Variants in HTR1F observed in about 807,000 individuals in gnomAD.
HTR1F encodes 5-hydroxytryptamine (serotonin) receptor 1F, G protein-coupled.
HTR1F carries 17 observed loss-of-function variants against 24.0 expected under a neutral mutation model. The observed-to-expected ratio is 0.71, with a 90% confidence interval of 0.48 to 1.06. The LOEUF (loss-of-function observed/expected upper bound fraction) is 1.06. HTR1F is among the 50% of genes least tolerant of loss of function. HTR1F has a pLI of 0.00. For missense variants in HTR1F, 391 were observed against 427.8 expected (o/e 0.91, Z 0.76); for synonymous variants, 186 against 156.8 (o/e 1.19, Z -1.39).
At chr3:87,874,187 T>C (rs1352387755) in intron 2 of HTR1F, among the ~76,000 whole-genome samples, 1 of 151,924 alleles carries the variant, frequency 6.6e-6, no homozygotes, top group Non-Finnish European at 1.5e-5. Context: ...AATAAATGTA[T>C]CTCTGTTCAC....
intron 1 of HTR1F, among the ~76,000 whole-genome samples, chr3:87,800,211 C>A (rs184483891): frequency 6.6e-6 from 1 of 152,226 alleles, no homozygotes; most frequent in Admixed American, 6.5e-5. Flanking sequence ...TCATGTCATT[C>A]TGGGAACAAG....
intron 2 of HTR1F, among the ~76,000 whole-genome samples, chr3:87,966,310 G>T (rs1263938432): frequency 6.6e-6 from 1 of 152,134 alleles, no homozygotes; most frequent in Non-Finnish European, 1.5e-5. Flanking sequence ...TGGGAGTAAG[G>T]ATTTTAATGT....
intron 2 of HTR1F, among the ~76,000 whole-genome samples, chr3:87,850,019 A>ACTAGTT (rs1705044942): frequency 6.6e-6 from 1 of 151,972 alleles, no homozygotes; most frequent in South Asian, 2.1e-4. Flanking sequence ...GGGACTGTAA[A>ACTAGTT]CTAGTTCAAC....
rs529004879 is a variant in HTR1F, at chr3:87,816,131, T to G, written c.-159-5877T>G. ...ATGCAAGAAGAGGGGCTTAATTGAG[T>G]GGCTAAATATCACTCTCTTCGGAGT... On this transcript the variant is annotated intron_variant, in intron 1 of 2. Coordinates refer to ENST00000319595, the MANE Select transcript of HTR1F (RefSeq NM_001322209.2). 3.3e-5 allele frequency among the ~76,000 whole-genome samples: 5 copies of G among 152,152 alleles called. No homozygotes were observed. In the South Asian group the frequency reaches 1.0e-3, roughly 32 times the overall value.
chr3:87,869,424 GATAGATAGATAC>G (rs1439228843), intron 2 of HTR1F, among the ~76,000 whole-genome samples: 26 of 135,770 alleles, frequency 1.9e-4, no homozygotes, highest in Middle Eastern at 7.8e-3. Context: ...TAGATAGATA[GATAGATAGATAC>G]ATAGATAGAT....
At chr3:87,807,628 T>C (rs1158568184) in intron 1 of HTR1F, among the ~76,000 whole-genome samples, 1 of 152,122 alleles carries the variant, frequency 6.6e-6, no homozygotes, top group East Asian at 1.9e-4. Flanking sequence ...TCTTGCCTGA[T>C]TGCTCTGGCT....
chr3:87,919,730 G>A (rs78597834), intron 2 of HTR1F, among the ~76,000 whole-genome samples: 13,442 of 151,914 alleles, frequency 0.088, 629 homozygotes, highest in African/African-American at 0.12. Flanking sequence ...AGATGTTGGC[G>A]TGGATGCAGT....
At chr3:87,794,775 G>C (rs1402117125) in intron 1 of HTR1F, among the ~76,000 whole-genome samples, 1 of 151,918 alleles carries the variant, frequency 6.6e-6, no homozygotes, top group Non-Finnish European at 1.5e-5. Context: ...TAAATGGGTG[G>C]GATTGAGCAA....
At chr3:87,874,567 C>T (rs1384486121) in intron 2 of HTR1F, among the ~76,000 whole-genome samples, 2 of 151,724 alleles carry the variant, frequency 1.3e-5, no homozygotes, top group Non-Finnish European at 2.9e-5. Flanking sequence ...GCCTATATTA[C>T]CCAAACCAGT....
At chr3:87,819,551 T>A (rs1323790156) in intron 1 of HTR1F, among the ~76,000 whole-genome samples, 1 of 152,044 alleles carries the variant, frequency 6.6e-6, no homozygotes, top group African/African-American at 2.4e-5. Flanking sequence ...GCTTTGGATA[T>A]CATCATTATG....
At chr3:87,799,867 T>C (rs1032015315) in intron 1 of HTR1F, among the ~76,000 whole-genome samples, 4 of 152,066 alleles carry the variant, frequency 2.6e-5, no homozygotes, top group Non-Finnish European at 4.4e-5. Flanking sequence ...AGTTAACAGG[T>C]TCATAATTAA....
intron 2 of HTR1F, among the ~76,000 whole-genome samples, chr3:87,861,635 T>C (rs1705320475): frequency 6.6e-6 from 1 of 152,164 alleles, no homozygotes; most frequent in Non-Finnish European, 1.5e-5. Context: ...AAATTTCTCT[T>C]GCTGAAGTTT....
At chr3:87,968,511 C>T (rs1705215821) in intron 2 of HTR1F, among the ~76,000 whole-genome samples, 1 of 151,934 alleles carries the variant, frequency 6.6e-6, no homozygotes, top group Non-Finnish European at 1.5e-5. Context: ...CGCACCTGGC[C>T]AGGCAGAAGA....
Position 87,827,719 on chromosome 3 carries a change from G to A in HTR1F, c.-43+5595G>A, listed in dbSNP as rs57628449. On this transcript the variant is annotated intron_variant, in intron 2 of 2. Transcript: ENST00000319595. ...CAAAATACACATTCACATTCTATTCGTAAGTTCTTTTATATTGCAAGTTGG... is the reference window on the plus strand; with the variant it reads ...CAAAATACACATTCACATTCTATTCATAAGTTCTTTTATATTGCAAGTTGG... Among the ~76,000 whole-genome samples the A allele has an allele frequency of 9.8e-3, 1,486 of 152,212 alleles. 22 individuals are homozygous for A. The highest frequency in any genetic ancestry group is 0.033 in the African/African-American group (1,372 of 41,532).
chr3:87,882,877 T>C (rs1425135510), intron 2 of HTR1F, among the ~76,000 whole-genome samples: 1 of 151,846 alleles, frequency 6.6e-6, no homozygotes, highest in African/African-American at 2.4e-5. Flanking sequence ...AAAAAATAAA[T>C]TTAAAAAAAA....
At chr3:87,794,521 A>G (rs1703871508) in intron 1 of HTR1F, among the ~76,000 whole-genome samples, 2 of 152,240 alleles carry the variant, frequency 1.3e-5, no homozygotes, top group African/African-American at 2.4e-5. Flanking sequence ...TCCTATGAAA[A>G]TAACTTATTT....
intron 2 of HTR1F, among the ~76,000 whole-genome samples, chr3:87,881,081 A>G (rs1705784202): frequency 6.6e-6 from 1 of 151,014 alleles, no homozygotes; most frequent in Admixed American, 6.6e-5. Flanking sequence ...CTGGTTGGAC[A>G]TAGTGGGTGC....
At chr3:87,932,119 C>T (rs2107410486) in intron 2 of HTR1F, among the ~76,000 whole-genome samples, 1 of 152,248 alleles carries the variant, frequency 6.6e-6, no homozygotes, top group South Asian at 2.1e-4. Flanking sequence ...AGTCCTTACC[C>T]ATGCCTATGT....
rs754642006 is a variant in HTR1F at position 87,979,137 on chromosome 3, G to GAGGGAGGGAGGA, written c.-42-11561_-42-11560insGAAGGGAGGGAG. Reference sequence around the variant, plus strand: ...GAAGGAAGGGAGGGAGGGAGGGAGGGAGGGAGGGAGATGGGAAAGACTGAG... The same window carrying GAGGGAGGGAGGA: ...GAAGGAAGGGAGGGAGGGAGGGAGGGAGGGAGGGAGGAAGGGAGGGAGATGGGAAAGACTGAG... On this transcript the variant is annotated intron_variant, in intron 2 of 2. Coordinates refer to ENST00000319595, the MANE Select transcript of HTR1F (RefSeq NM_001322209.2). Among the ~76,000 whole-genome samples the GAGGGAGGGAGGA allele has an allele frequency of 3.4e-3, 98 of 28,822 alleles. 8 individuals carry two copies. The highest frequency in any genetic ancestry group is 7.1e-3 in the East Asian group (4 of 560). The allele number at this position is 28,822 out of a possible 152,430, so 18.9% of individuals were successfully genotyped here.
Sources: allele counts gnomAD v4.1 joint callset (sites outside exome capture counted in the v4.1 genomes callset), GRCh38; gene constraint gnomAD v4.1.1; transcripts MANE v1.5; gene names NCBI Gene and HGNC (gene_info 2026-07-23, HGNC 2026-07-21).